Variants in ARHGAP20 observed in about 807,000 individuals in gnomAD.
ARHGAP20 encodes the protein rho GTPase-activating protein 20.
A neutral mutation model predicts 73.7 loss-of-function variants in ARHGAP20; 34 were observed. The ratio of observed to expected loss-of-function variants is 0.46; its 90% CI spans 0.35 to 0.61. ARHGAP20 has a LOEUF of 0.61. ARHGAP20 is among the 20% of genes least tolerant of loss of function. The probability of loss-of-function intolerance (pLI) is 0.00; values close to 1 mark genes in which losing one functional copy is unlikely to be tolerated. For missense variants in ARHGAP20, 1,314 were observed against 1,420.9 expected (o/e 0.92, Z 1.21); for synonymous variants, 523 against 518.2 (o/e 1.01, Z -0.13).
intron 8 of ARHGAP20, among the ~76,000 whole-genome samples, chr11:110,607,216 TTAA>T (rs1289193542): frequency 6.6e-6 from 1 of 152,232 alleles, no homozygotes; most frequent in African/African-American, 2.4e-5. Context: ...ATCACTATTA[TTAA>T]TATTATTTAA....
At chr11:110,581,433 T>A (rs1947465674) in intron 14 of ARHGAP20, among the ~76,000 whole-genome samples, 1 of 152,198 alleles carries the variant, frequency 6.6e-6, no homozygotes, top group African/African-American at 2.4e-5. Context: ...ACGAATGGGC[T>A]TTCCTTAAGT....
chr11:110,579,582 AG>A lies in ARHGAP20; in HGVS notation c.3363del (p.Cys1122ValfsTer16). On this transcript the variant is annotated frameshift_variant, in exon 15 of 15. Coordinates refer to ENST00000683387, the MANE Select transcript of ARHGAP20 (RefSeq NM_001384657.1). LOFTEE classifies it low-confidence loss of function (END_TRUNC). ...TCCACCAGGCTGAATGGAGAGCTAC[AG>A]TGTCTCTCTGAGTCCTGGAAGGGAG... ...SSSPFQDSER[H>X]CSSPFSLVES... 1 of 1,613,940 alleles carries A rather than the reference AG, an allele frequency of 6.2e-7. No individual in the cohort carries two copies. The highest frequency in any genetic ancestry group is 8.5e-7 in the Non-Finnish European group (1 of 1,179,810).
At chr11:110,641,613 T>TC (rs1014113553) in intron 2 of ARHGAP20, among the ~76,000 whole-genome samples, 13 of 151,068 alleles carry the variant, frequency 8.6e-5, no homozygotes, top group African/African-American at 2.4e-4. Flanking sequence ...TTTGTTTTCT[T>TC]CCCCCCCAAC....
chr11:110,678,597 T>C (rs7106092), intron 2 of ARHGAP20, among the ~76,000 whole-genome samples: 3,797 of 152,342 alleles, frequency 0.025, 147 homozygotes, highest in African/African-American at 0.08. Flanking sequence ...TATTGATTTA[T>C]TGCTGCAATA....
At chr11:110,617,763 A>G (rs1948515919) in intron 4 of ARHGAP20, among the ~76,000 whole-genome samples, 1 of 152,150 alleles carries the variant, frequency 6.6e-6, no homozygotes, top group Admixed American at 6.5e-5. Flanking sequence ...TTTTTACAGG[A>G]CTAAAAATAG....
chr11:110,586,333 A>AGAT lies in ARHGAP20; in HGVS notation c.1306-11_1306-9dup, dbSNP rs1231314328. On this transcript the variant is annotated splice_polypyrimidine_tract_variant and intron_variant, in intron 11 of 14. Transcript: ENST00000683387. ...AATATTTCGCAGAAAATCCTTAAAT[A>AGAT]GATGGAAAAACAAATATTTCAAATA... 2.0e-6 allele frequency: 3 copies of AGAT among 1,478,508 alleles called. No homozygotes were observed. Among genetic ancestry groups the AGAT allele is most frequent in the African/African-American group, 2.8e-5 (2 of 70,360 alleles). The allele number at this position is 1,478,508 out of a possible 1,614,324, so 91.6% of individuals were successfully genotyped here.
intron 9 of ARHGAP20, among the ~76,000 whole-genome samples, chr11:110,604,691 A>C (rs1032022455): frequency 6.6e-6 from 1 of 152,108 alleles, no homozygotes; most frequent in African/African-American, 2.4e-5. Context: ...GGAACGAAAA[A>C]TTTTAGAGTC....
rs150114941 is a variant in ARHGAP20, at chr11:110,679,996, G to C, written c.188+10551C>G. On this transcript the variant is annotated intron_variant, in intron 2 of 14. Coordinates refer to ENST00000683387, the MANE Select transcript of ARHGAP20 (RefSeq NM_001384657.1). ...TCTTACCCTCTTTCCATCCAACTAA[G>C]AGTTGACCCATAGTCAAGTTGAGGC... 1.2e-3 allele frequency among the ~76,000 whole-genome samples: 189 copies of C among 152,236 alleles called. 1 individual carries two copies. The highest frequency in any genetic ancestry group is 4.1e-3 in the African/African-American group (172 of 41,550).
intron 2 of ARHGAP20, among the ~76,000 whole-genome samples, chr11:110,641,877 T>C (rs1033525576): frequency 1.7e-4 from 26 of 152,168 alleles, no homozygotes; most frequent in African/African-American, 6.0e-4. Context: ...CTAAGTAAAA[T>C]TCGTTTGGCT....
At chr11:110,592,379 C>A (rs561263137) in intron 9 of ARHGAP20, among the ~76,000 whole-genome samples, 2 of 152,254 alleles carry the variant, frequency 1.3e-5, no homozygotes, top group South Asian at 4.2e-4. Context: ...GGGTTCTTCT[C>A]CCATCCAGTT....
At chr11:110,697,427 G>GT (rs1389367085) in intron 1 of ARHGAP20, among the ~76,000 whole-genome samples, 4 of 151,446 alleles carry the variant, frequency 2.6e-5, no homozygotes, top group Admixed American at 2.6e-4. Context: ...TAATGGAGCT[G>GT]TTTTTTTCTT....
intron 2 of ARHGAP20, among the ~76,000 whole-genome samples, chr11:110,663,582 G>A (rs1299298241): frequency 1.3e-5 from 2 of 151,920 alleles, no homozygotes; most frequent in African/African-American, 4.8e-5. Context: ...TAAGGAAATT[G>A]AATATTTAGT....
At chr11:110,652,363 C>T (rs904818098) in intron 2 of ARHGAP20, among the ~76,000 whole-genome samples, 1 of 152,040 alleles carries the variant, frequency 6.6e-6, no homozygotes, top group African/African-American at 2.4e-5. Flanking sequence ...TCCTATTCAA[C>T]ATAGTATCGG....
rs1187064243 is a variant in ARHGAP20, at chr11:110,580,523, G to A, written c.2423C>T (p.Pro808Leu). ...CTTGGAATGATCCTGTGAGGACATAGGACTATAAGATGCCACAGAAATGGC... is the reference window on the plus strand; with the variant it reads ...CTTGGAATGATCCTGTGAGGACATAAGACTATAAGATGCCACAGAAATGGC... ...PVAISVASYS[P>L]MSSQDHSKNQ... Residue 808 changes from proline (P) to leucine (L), a missense_variant, in exon 15 of 15, where the codon CCT (proline) becomes CTT (leucine). Transcript: ENST00000683387. The A allele has an allele frequency of 2.5e-6, 4 of 1,614,064 alleles. No individual in the cohort carries two copies. In the African/African-American group the frequency reaches 4.0e-5, roughly 16 times the overall value.
At chr11:110,589,981 C>T (rs535613883) in intron 11 of ARHGAP20, among the ~76,000 whole-genome samples, 1 of 152,090 alleles carries the variant, frequency 6.6e-6, no homozygotes, top group East Asian at 1.9e-4. Context: ...ATTAGCTGGA[C>T]CTGGTAGTGC....
chr11:110,616,532 C>A lies in ARHGAP20; in HGVS notation c.504-938G>T, dbSNP rs542101399. Among the ~76,000 whole-genome samples the A allele has an allele frequency of 1.8e-3, 280 of 152,188 alleles. 4 individuals carry two copies. Among genetic ancestry groups the A allele is most frequent in the African/African-American group, 6.4e-3 (265 of 41,518 alleles). ...AGGGCTACAGATGCGTGCCACAAGG[C>A]CTGGCTAATTTTCTAATCTTTTTAG... On this transcript the variant is annotated intron_variant, in intron 4 of 14. Coordinates refer to ENST00000683387, the MANE Select transcript of ARHGAP20 (RefSeq NM_001384657.1).
chr11:110,674,548 T>A (rs185843929), intron 2 of ARHGAP20, among the ~76,000 whole-genome samples: 6 of 152,170 alleles, frequency 3.9e-5, no homozygotes, highest in Non-Finnish European at 7.3e-5. Context: ...AAATATTATA[T>A]AAAATTACCC....
intron 1 of ARHGAP20, among the ~76,000 whole-genome samples, chr11:110,709,453 G>A (rs1950607063): frequency 6.6e-6 from 1 of 152,182 alleles, no homozygotes. Context: ...CAGATAACAA[G>A]CAAGTAAATA....
intron 3 of ARHGAP20, 60 bp downstream of exon 3, chr11:110,630,568 T>G: frequency 6.7e-7 from 1 of 1,503,510 alleles, no homozygotes; most frequent in Non-Finnish European, 9.1e-7. Flanking sequence ...GTAGAAAGGG[T>G]ATCTTTGTTA....
Sources: gnomAD v4.1 joint callset for allele counts (sites outside exome capture counted in the v4.1 genomes callset) on GRCh38, gnomAD v4.1.1 for gene constraint, MANE v1.5 for transcripts, NCBI Gene and HGNC (gene_info 2026-07-23, HGNC 2026-07-21) for gene names.